The following UHRF1 variants were observed in gnomAD, a reference collection of about 807,000 sequenced individuals.
UHRF1 encodes E3 ubiquitin-protein ligase UHRF1.
A neutral mutation model predicts 96.5 loss-of-function variants in UHRF1; 9 were observed. That is an observed-to-expected ratio of 0.09 (90% CI 0.06 to 0.16). The LOEUF is 0.16. Among genes scored for constraint, UHRF1 ranks in the 10% least tolerant of loss-of-function variants. The pLI, the probability that UHRF1 is intolerant of heterozygous loss-of-function variation, is 1.00. For synonymous variants in UHRF1, 455 were observed against 469.9 expected, an observed-to-expected ratio of 0.97 and a Z score of 0.41; for missense variants, 626 against 1,131.1, an observed-to-expected ratio of 0.55 and a Z score of 6.40.
In UHRF1 at chr19:4,934,015, G is replaced by C. The variant is rs543808913; in HGVS notation, c.785+1059G>C. On this transcript the variant is annotated intron_variant, in intron 5 of 16. Transcript: ENST00000650932. ...TGTGTGTGATAAAATGTATGTAACA[G>C]AAAATTTACCTTTTTTTTTTTTTTA... 1.4e-3 allele frequency among the ~76,000 whole-genome samples: 212 copies of C among 148,470 alleles called. 2 individuals carry two copies. The highest frequency in any genetic ancestry group is 5.0e-3 in the African/African-American group (198 of 39,646).
intron 7 of UHRF1, among the ~76,000 whole-genome samples, chr19:4,943,253 A>G (rs976578471): frequency 1.3e-5 from 2 of 151,780 alleles, no homozygotes; most frequent in African/African-American, 4.8e-5. Context: ...ACAAAAAAAA[A>G]GGGGGGGTGG....
At chr19:4,913,113 C>T (rs780912915) in intron 2 of UHRF1, among the ~76,000 whole-genome samples, 3 of 152,088 alleles carry the variant, frequency 2.0e-5, no homozygotes, top group African/African-American at 7.2e-5. Flanking sequence ...TGACAAATGT[C>T]TACATCCATG....
chr19:4,912,201 G>A (rs1395649044), intron 2 of UHRF1, among the ~76,000 whole-genome samples: 1 of 152,192 alleles, frequency 6.6e-6, no homozygotes, highest in African/African-American at 2.4e-5. Flanking sequence ...GGAGTTGACG[G>A]TGCAAGCCGC....
intron 13 of UHRF1, among the ~76,000 whole-genome samples, chr19:4,953,336 C>T (rs771356000): frequency 1.3e-5 from 2 of 152,128 alleles, no homozygotes; most frequent in Non-Finnish European, 2.9e-5. Context: ...TTTTTCCATA[C>T]GTTTGGACTG....
Position 4,954,294 on chromosome 19 carries a change from C to G in UHRF1, c.1819-56C>G. ...GGCAAGGAGGCTGGAAGAGCGGGCT[C>G]TGCATAGCGTGTGGGCCCCAAGCCT... On this transcript the variant is annotated intron_variant, in intron 13 of 16. Coordinates refer to ENST00000650932, the MANE Select transcript of UHRF1 (RefSeq NM_001048201.3). The surrounding 1 kb of genome is among the most constrained non-coding windows in gnomAD (Gnocchi z 5.9). 1 of 1,588,194 alleles carries G rather than the reference C, an allele frequency of 6.3e-7. No homozygotes were observed. The highest frequency in any genetic ancestry group is 8.6e-7 in the Non-Finnish European group (1 of 1,168,536).
intron 5 of UHRF1, among the ~76,000 whole-genome samples, chr19:4,934,717 T>TA (rs2033166238): frequency 6.6e-6 from 1 of 152,158 alleles, no homozygotes; most frequent in Admixed American, 6.6e-5. Flanking sequence ...CAAGTACAGG[T>TA]ACAGCAAGCA....
intron 11 of UHRF1, among the ~76,000 whole-genome samples, chr19:4,948,988 A>G (rs1427651561): frequency 6.7e-6 from 1 of 148,744 alleles, no homozygotes; most frequent in Non-Finnish European, 1.5e-5. Context: ...AAAAAAAAAA[A>G]GCCTGGTATG....
rs1393740847 is a variant in UHRF1, at chr19:4,938,729, GGTTTTTTT to G, written c.786-2798_786-2791del. ...TGGCATAAGAGTTTTGTTTTGGTCA[GGTTTTTTT>G]TTTTTTTTTTTTTTTTTTTTTTTTG... On this transcript the variant is annotated intron_variant, in intron 5 of 16. Transcript: ENST00000650932. 5.5e-4 allele frequency among the ~76,000 whole-genome samples: 41 copies of G among 73,938 alleles called. No individual in the cohort carries two copies. In the South Asian group the frequency reaches 0.019, roughly 35 times the overall value. The allele number at this position is 73,938 out of a possible 152,430, so 48.5% of individuals were successfully genotyped here.
chr19:4,903,934 G>A (rs2032003587), intron 1 of UHRF1, among the ~76,000 whole-genome samples: 1 of 152,118 alleles, frequency 6.6e-6, no homozygotes, highest in African/African-American at 2.4e-5. Context: ...TGCTTAATCT[G>A]AACATCGACA....
chr19:4,935,992 C>G (rs551511554), intron 5 of UHRF1, among the ~76,000 whole-genome samples: 1 of 152,200 alleles, frequency 6.6e-6, no homozygotes, highest in Admixed American at 6.5e-5. Context: ...TTGACTGTCA[C>G]AAGGCAGGGG....
At chr19:4,908,316 C>T (rs1327462718), upstream of UHRF1, among the ~76,000 whole-genome samples, 1 of 152,098 alleles carries the variant, frequency 6.6e-6, no homozygotes, top group Non-Finnish European at 1.5e-5. Context: ...TCCCACTGAC[C>T]AGATAGAGGA....
upstream of UHRF1, among the ~76,000 whole-genome samples, chr19:4,905,926 T>C (rs1395920655): frequency 1.3e-5 from 2 of 152,220 alleles, no homozygotes; most frequent in Non-Finnish European, 2.9e-5. Context: ...GCTTTTTTTC[T>C]GAGACGCCTG....
intron 13 of UHRF1, among the ~76,000 whole-genome samples, chr19:4,952,708 C>T (rs1009115758): frequency 1.3e-5 from 2 of 151,022 alleles, no homozygotes; most frequent in Non-Finnish European, 2.9e-5. Flanking sequence ...TTATGACTCT[C>T]ATCTCCATTG....
chr19:4,943,400 G>A (rs1408106909), intron 7 of UHRF1, among the ~76,000 whole-genome samples: 1 of 152,002 alleles, frequency 6.6e-6, no homozygotes, highest in Admixed American at 6.6e-5. Context: ...GACAATTGCG[G>A]ATGTGGATGG....
intron 11 of UHRF1, among the ~76,000 whole-genome samples, chr19:4,947,753 G>A (rs531681011): frequency 7.3e-5 from 11 of 149,876 alleles, no homozygotes; most frequent in African/African-American, 2.2e-4. Context: ...TTCCCTCCTC[G>A]GCCTCCCAAT....
intron 5 of UHRF1, 81 bp from the exon 6 acceptor site, chr19:4,941,447 G>A: frequency 9.0e-7 from 1 of 1,105,202 alleles, no homozygotes; most frequent in South Asian, 1.4e-5. Flanking sequence ...GGCATCCCGA[G>A]AACCCGTGGT....
intron 5 of UHRF1, among the ~76,000 whole-genome samples, chr19:4,937,484 C>T (rs1030421824): frequency 9.2e-5 from 14 of 152,046 alleles, no homozygotes; most frequent in African/African-American, 3.4e-4. Flanking sequence ...GCCTCAGCCT[C>T]TGGAGTAGCT....
rs200302436 is a variant in UHRF1, at chr19:4,932,753, C to T, written c.582C>T (p.Asn194=). ...GCTTTCCTCCCAGCTACCCGGAGAA[C>T]GGCGTGGTCCAGATGAACTCCAGGG... ...YHVKYDDYPE[N]GVVQMNSRDV... The change falls in exon 5 of 17, where the codon AAC becomes AAT. Residue 194 remains asparagine (N), a synonymous_variant. Transcript: ENST00000650932. 95 of 1,613,612 alleles carry T rather than the reference C, an allele frequency of 5.9e-5. No individual in the cohort carries two copies. The highest frequency in any genetic ancestry group is 7.6e-5 in the Non-Finnish European group (90 of 1,179,794).
At chr19:4,918,535 C>T (rs550365631) in intron 2 of UHRF1, among the ~76,000 whole-genome samples, 44 of 151,996 alleles carry the variant, frequency 2.9e-4, no homozygotes, top group African/African-American at 9.7e-4. Flanking sequence ...CTGCGTCAGC[C>T]TCCCGAGTAG....
Sources: allele counts gnomAD v4.1 joint callset (sites outside exome capture counted in the v4.1 genomes callset), GRCh38; gene constraint gnomAD v4.1.1; non-coding constraint Gnocchi (gnomAD v3.1); transcripts MANE v1.5; gene names NCBI Gene and HGNC (gene_info 2026-07-23, HGNC 2026-07-21).